The following MADD variants were observed in gnomAD, a reference collection of about 807,000 sequenced individuals.
MADD encodes MAP kinase activating death domain.
In MADD, 109 loss-of-function variants were observed where a neutral mutation model predicts 176.7. That is an observed-to-expected ratio of 0.62 (90% CI 0.53 to 0.72). MADD has a LOEUF of 0.72. MADD is among the 30% of genes least tolerant of loss of function. The pLI is 0.00. For missense variants in MADD, 1,914 were observed against 2,045.5 expected, an observed-to-expected ratio of 0.94 and a Z score of 1.24; for synonymous variants, 771 against 771.3, an observed-to-expected ratio of 1.00 and a Z score of 0.01.
At chr11:47,279,923 T>C (rs1043961398) in intron 7 of MADD, among the ~76,000 whole-genome samples, 2 of 151,874 alleles carry the variant, frequency 1.3e-5, no homozygotes, top group Admixed American at 1.3e-4. Context: ...ATACAAAAAT[T>C]AGCCGGGCAT....
At chr11:47,284,602 C>T (rs760421833) in intron 12 of MADD, 37 bp downstream of exon 12, 113 of 1,601,532 alleles carry the variant, frequency 7.1e-5, no homozygotes, top group South Asian at 1.4e-4. Flanking sequence ...GAACCATGGC[C>T]TGGGATGTGG....
intron 31 of MADD, chr11:47,327,438 C>T (rs2095570521): frequency 3.0e-6 from 3 of 985,300 alleles, no homozygotes; most frequent in Non-Finnish European, 3.6e-6. Context: ...CCTTCGTTCT[C>T]CAGCAGGTAA....
rs1595570111 is a variant in MADD, at chr11:47,325,160, C to T, written c.4542+583C>T. 5.5e-6 allele frequency: 1 copy of T among 183,100 alleles called. No individual in the cohort carries two copies. The highest frequency in any genetic ancestry group is 1.6e-4 in the East Asian group (1 of 6,250). 11.3% of individuals were successfully genotyped at this position (183,100 alleles called of 1,614,324 possible). A position where few individuals can be genotyped will look rare whatever the true frequency, so the allele number is the denominator to read the frequency against. ...GTCCCCTGCTCCACAGGCCCCATTC[C>T]CTTTCTTTTGATTGGGGAGCACTTG... On this transcript the variant is annotated intron_variant, in intron 30 of 32. Coordinates refer to ENST00000402192, the Ensembl canonical transcript of MADD. The surrounding 1 kb of genome is among the most constrained non-coding windows in gnomAD (Gnocchi z 4.5).
chr11:47,328,831 G>T (rs1204337038), intron 32 of MADD, 127 bp downstream of exon 36: 10 of 1,260,834 alleles, frequency 7.9e-6, no homozygotes, highest in Non-Finnish European at 9.0e-6. Flanking sequence ...GTTGCCAAAG[G>T]TTCAACTCAG....
chr11:47,309,721 A>G, intron 25 of MADD, 109 bp downstream of exon 28: 1 of 755,206 alleles, frequency 1.3e-6, no homozygotes, highest in South Asian at 1.6e-5. Flanking sequence ...ATCTTAACTT[A>G]GGGCTATCTT....
Position 47,323,957 on chromosome 11 carries a change from TGG to T in MADD, c.4362+124_4362+125del, listed in dbSNP as rs2094989236. Reference sequence around the variant, plus strand: ...GAGCCACACTTCTGTCTCCAGCTGTTGGGTGGAGTACCTAAAGCTGTCTCTGT... The same window carrying T: ...GAGCCACACTTCTGTCTCCAGCTGTTGTGGAGTACCTAAAGCTGTCTCTGT... On this transcript the variant is annotated intron_variant, in intron 28 of 32. Coordinates refer to ENST00000402192, the Ensembl canonical transcript of MADD. 2.7e-6 allele frequency: 3 copies of T among 1,105,240 alleles called. No individual in the cohort carries two copies. The South Asian group carries it at 4.6e-5, about 17-fold the overall frequency. 68.5% of individuals were successfully genotyped at this position (1,105,240 alleles called of 1,614,324 possible).
At position 47,329,101 on chromosome 11, in the gene MADD, A is replaced by T. The variant is rs147818031; in HGVS notation, c.4715A>T (p.His1572Leu). The change falls in exon 33 of 33, where the codon CAT (histidine) becomes CTT (leucine). Residue 1572 changes from histidine to leucine, a missense_variant. By Grantham distance (99) the His-to-Leu change is moderately conservative (BLOSUM62 -3). Transcript: ENST00000402192. ...CTCTTCTCGTACGTGGCTGCAGTTC[A>T]TAGCAGTGAGGAAGATCTCAGAACC... 93 of 1,614,170 alleles carry T rather than the reference A, an allele frequency of 5.8e-5. No individual in the cohort carries two copies. In the African/African-American group the frequency reaches 1.0e-3, roughly 18 times the overall value.
chr11:47,298,209 A>T (rs1020576747), intron 22 of MADD, among the ~76,000 whole-genome samples: 1 of 152,260 alleles, frequency 6.6e-6, no homozygotes, highest in African/African-American at 2.4e-5. Flanking sequence ...CAAACCAATA[A>T]GGATGACATT....
intron 30 of MADD, 37 bp from the exon 34 acceptor site, chr11:47,326,507 G>A (rs1448847046): frequency 3.0e-6 from 4 of 1,351,336 alleles, no homozygotes; most frequent in South Asian, 3.8e-5. Flanking sequence ...TCAAACTAAC[G>A]CCTTCATTTC....
At chr11:47,323,957 T>G in intron 28 of MADD, 122 bp downstream of exon 31, 1 of 1,105,358 alleles carries the variant, frequency 9.0e-7, no homozygotes. Flanking sequence ...CTCCAGCTGT[T>G]GGGTGGAGTA....
Position 47,290,194 on chromosome 11 carries a change from T to TGTACAGTCCTCAGCTTG in MADD, c.2991_3007dup (p.Glu1003ValfsTer48). 1 of 1,614,130 alleles carries TGTACAGTCCTCAGCTTG rather than the reference T, an allele frequency of 6.2e-7. No homozygotes were observed. The highest frequency in any genetic ancestry group is 8.5e-7 in the Non-Finnish European group (1 of 1,180,032). Reference sequence around the variant, plus strand: ...CAAGGGAATGTTAGACCTCCTCAAGTGTACAGTCCTCAGCTTGGAGCAGTC... The same window carrying TGTACAGTCCTCAGCTTG: ...CAAGGGAATGTTAGACCTCCTCAAGTGTACAGTCCTCAGCTTGGTACAGTCCTCAGCTTGGAGCAGTC... On this transcript the variant is annotated frameshift_variant, in exon 18 of 33. Coordinates refer to ENST00000402192, the Ensembl canonical transcript of MADD. LOFTEE classifies it high-confidence loss of function.
rs3736101 is a variant in MADD at position 47,285,077 on chromosome 11, G to A, written c.2294G>A (p.Arg765Gln). The stretch of plus-strand genomic sequence containing the variant: ...GAAATTGGAGAGGGGTCAGTGCGCC[G>A]GCGAATCTATGACAATCCATACTTC... The change falls in exon 13 of 33, where the codon CGG becomes CAG. Residue 765 changes from arginine to glutamine, a missense_variant. By Grantham distance (43) the Arg-to-Gln change is conservative (BLOSUM62 1). Transcript: ENST00000402192. 0.1 allele frequency: 161,688 copies of A among 1,614,014 alleles called. 8,744 individuals carry two copies. Among genetic ancestry groups the A allele is most frequent in the South Asian group, 0.11 (10,255 of 91,076 alleles).
At chr11:47,276,186 T>A in exon 4 of MADD, 1 of 1,610,708 alleles carries the variant, frequency 6.2e-7, no homozygotes, top group Non-Finnish European at 8.5e-7. Context: ...CTAACCTGCA[T>A]TCTGTTAGAG....
intron 27 of MADD, among the ~76,000 whole-genome samples, chr11:47,323,109 G>C (rs2094786794): frequency 6.6e-6 from 1 of 152,024 alleles, no homozygotes; most frequent in Non-Finnish European, 1.5e-5. Context: ...ATGGTGATGT[G>C]TGCCTGTAAT....
intron 22 of MADD, among the ~76,000 whole-genome samples, chr11:47,300,081 T>A (rs2076443245): frequency 6.6e-6 from 1 of 152,210 alleles, no homozygotes; most frequent in Non-Finnish European, 1.5e-5. Context: ...GTTGAGAGCT[T>A]TTATCATGAA....
intron 28 of MADD, 44 bp downstream of exon 31, chr11:47,323,879 G>A (rs988507123): frequency 3.2e-6 from 5 of 1,585,820 alleles, no homozygotes; most frequent in Admixed American, 1.7e-5. Context: ...AGGCATTGAA[G>A]ACCAAATAGT....
intron 30 of MADD, 45 bp from the exon 35 acceptor site, chr11:47,326,693 G>C (rs761785487): frequency 6.2e-7 from 1 of 1,602,718 alleles, no homozygotes; most frequent in Non-Finnish European, 8.5e-7. Flanking sequence ...TGGGGCAGGG[G>C]TGGAGCCTGT....
At position 47,282,806 on chromosome 11, in the gene MADD, G is replaced by T. The variant is rs757452655; in HGVS notation, c.1706-7G>T. On this transcript the variant is annotated splice_region_variant and splice_polypyrimidine_tract_variant and intron_variant, in intron 9 of 32. Transcript: ENST00000402192. ...CTGACTTTCTGTTCTTTTCCCTCAT[G>T]GGGTAGATATGTTTGATCCAGCCCT... 5 of 1,610,960 alleles carry T rather than the reference G, an allele frequency of 3.1e-6. No individual in the cohort carries two copies. Among genetic ancestry groups the T allele is most frequent in the East Asian group, 2.2e-5 (1 of 44,814 alleles).
exon 13 of MADD, chr11:47,285,089 A>G (rs1312084439): frequency 6.2e-7 from 1 of 1,614,120 alleles, no homozygotes; most frequent in Non-Finnish European, 8.5e-7. Context: ...CGAATCTATG[A>G]CAATCCATAC....
Sources: gnomAD v4.1 joint callset for allele counts (sites outside exome capture counted in the v4.1 genomes callset) on GRCh38, gnomAD v4.1.1 for gene constraint, Gnocchi (gnomAD v3.1) non-coding constraint, MANE v1.5 for transcripts, NCBI Gene and HGNC (gene_info 2026-07-23, HGNC 2026-07-21) for gene names.